OTUD7A: variants seen among roughly 807,000 people sequenced by gnomAD.
OTUD7A encodes OTU domain-containing protein 7A.
In OTUD7A, 12 loss-of-function variants were observed where a neutral mutation model predicts 65.7. The ratio of observed to expected loss-of-function variants is 0.18; its 90% CI spans 0.12 to 0.30. The LOEUF (loss-of-function observed/expected upper bound fraction) is 0.30. Among genes scored for constraint, OTUD7A ranks in the 10% least tolerant of loss-of-function variants. The probability of loss-of-function intolerance (pLI) is 1.00; values close to 1 mark genes in which losing one functional copy is unlikely to be tolerated. For missense variants in OTUD7A, 1,148 were observed against 1,304.8 expected (o/e 0.88, Z 1.85); for synonymous variants, 641 against 586.3 (o/e 1.09, Z -1.35).
At chr15:31,768,281 G>A (rs1184968773) in intron 1 of OTUD7A, 58 of 724,766 alleles carry the variant, frequency 8.0e-5, no homozygotes, top group South Asian at 5.6e-4. Flanking sequence ...GGCGAGTCTC[G>A]GCACAACCAT....
chr15:31,558,834 C>G, intron 5 of OTUD7A, 135 bp downstream of exon 5: 3 of 922,966 alleles, frequency 3.3e-6, no homozygotes, highest in Non-Finnish European at 5.0e-6. Flanking sequence ...AGGTGCGGTG[C>G]AGCATCTAGA....
intron 4 of OTUD7A, among the ~76,000 whole-genome samples, chr15:31,564,366 T>A (rs916958358): frequency 6.6e-6 from 1 of 151,020 alleles, no homozygotes; most frequent in Non-Finnish European, 1.5e-5. Context: ...AAACTGTTTT[T>A]GGAAGTAGTC....
In OTUD7A at chr15:31,570,648, T is replaced by G. The variant is rs552988172; in HGVS notation, c.152-451A>C. ...CAGAGTTTTACTTTTTATTTTAAGC[T>G]TAATATGAGCGAAGCAGAAGCTTGG... On this transcript the variant is annotated intron_variant, in intron 3 of 12. Coordinates refer to ENST00000307050, the MANE Select transcript of OTUD7A (RefSeq NM_001382637.1). Among the ~76,000 whole-genome samples, 80 of 152,326 alleles carry G rather than the reference T, an allele frequency of 5.3e-4. 1 individual carries two copies. The highest frequency in any genetic ancestry group is 1.0e-4 in the Non-Finnish European group (7 of 68,022).
chr15:31,832,627 G>A (rs191040292), intron 1 of OTUD7A, among the ~76,000 whole-genome samples: 11 of 152,082 alleles, frequency 7.2e-5, no homozygotes, highest in African/African-American at 1.4e-4. Flanking sequence ...ATCCCTCGTC[G>A]CCCACAATTG....
At chr15:31,667,112 G>A (rs746867288) in intron 1 of OTUD7A, among the ~76,000 whole-genome samples, 27 of 152,144 alleles carry the variant, frequency 1.8e-4, no homozygotes, top group African/African-American at 4.6e-4. Context: ...CGTGGTTGTC[G>A]GATGAAATGT....
In OTUD7A at chr15:31,655,236, C is replaced by A; in HGVS notation, c.11G>T (p.Ser4Ile). ...AGCCGAGGTGGGGTTTGGAAGCACACTAGAAACCATCCATCTGCAGGAAAG... is the reference window on the plus strand; with the variant it reads ...AGCCGAGGTGGGGTTTGGAAGCACAATAGAAACCATCCATCTGCAGGAAAG... MVSSVLPNPTSAEC... is the reference protein window; with the variant it reads MVSIVLPNPTSAEC... The change falls in exon 3 of 13, where the codon AGT becomes ATT. Residue 4 changes from serine to isoleucine, a missense_variant. By Grantham distance (142) the Ser-to-Ile change is moderately radical. Transcript: ENST00000307050. 1 of 1,393,372 alleles carries A rather than the reference C, an allele frequency of 7.2e-7. No individual in the cohort carries two copies. Among genetic ancestry groups the A allele is most frequent in the Non-Finnish European group, 9.9e-7 (1 of 1,014,174 alleles). The allele number at this position is 1,393,372 out of a possible 1,614,324, so 86.3% of individuals were successfully genotyped here. A position where few individuals can be genotyped will look rare whatever the true frequency, so the allele number is the denominator to read the frequency against.
At chr15:31,511,711 T>TATATGTATATCTATATGTAACACACAC (rs1566893877) in intron 8 of OTUD7A, among the ~76,000 whole-genome samples, 3 of 126,726 alleles carry the variant, frequency 2.4e-5, no homozygotes, top group East Asian at 2.1e-4. Flanking sequence ...GTAACACACA[T>TATATGTATATCTATATGTAACACACAC]ATATATGTAT....
chr15:31,494,703 T>C (rs1161800603), intron 10 of OTUD7A, among the ~76,000 whole-genome samples: 1 of 152,152 alleles, frequency 6.6e-6, no homozygotes. Flanking sequence ...TGTGGGACAA[T>C]GACAACTGGG....
At chr15:31,751,994 T>A (rs1036167197) in intron 1 of OTUD7A, among the ~76,000 whole-genome samples, 2 of 152,132 alleles carry the variant, frequency 1.3e-5, no homozygotes, top group Non-Finnish European at 2.9e-5. Context: ...AACCCCAGCA[T>A]CACACAATAT....
At chr15:31,731,897 A>G (rs972601962) in intron 1 of OTUD7A, among the ~76,000 whole-genome samples, 4 of 152,172 alleles carry the variant, frequency 2.6e-5, no homozygotes, top group Non-Finnish European at 5.9e-5. Context: ...AAAGGGTAAG[A>G]TAGGAAATTA....
intron 1 of OTUD7A, among the ~76,000 whole-genome samples, chr15:31,730,160 A>AT (rs1161042102): frequency 6.6e-6 from 1 of 152,160 alleles, no homozygotes; most frequent in Non-Finnish European, 1.5e-5. Context: ...GGTGGTTGTC[A>AT]GCAACCAGGA....
At chr15:31,866,651 T>G (rs578209415) in intron 1 of OTUD7A, among the ~76,000 whole-genome samples, 1 of 152,200 alleles carries the variant, frequency 6.6e-6, no homozygotes, top group African/African-American at 2.4e-5. Flanking sequence ...GGGTAAAATA[T>G]TTTCACATTA....
intron 1 of OTUD7A, among the ~76,000 whole-genome samples, chr15:31,777,404 G>A (rs542897223): frequency 6.6e-4 from 100 of 152,254 alleles, no homozygotes; most frequent in African/African-American, 8.9e-4. Context: ...AATGGTCAAC[G>A]CTGAACCATA....
rs531571616 is a variant in OTUD7A, at chr15:31,526,643, G to T, written c.781-182C>A. Among the ~76,000 whole-genome samples the T allele has an allele frequency of 6.6e-5, 10 of 152,310 alleles. No homozygotes were observed. In the East Asian group the frequency reaches 9.6e-4, roughly 15 times the overall value. ...TGCTATGCACAATATATTTTCAGAA[G>T]CCCCAAGCTCTAATTCCAGAGCTGC... On this transcript the variant is annotated intron_variant, in intron 7 of 12. Coordinates refer to ENST00000307050, the MANE Select transcript of OTUD7A (RefSeq NM_001382637.1).
intron 1 of OTUD7A, among the ~76,000 whole-genome samples, chr15:31,835,069 G>T (rs1053626235): frequency 1.3e-5 from 2 of 152,168 alleles, no homozygotes; most frequent in African/African-American, 4.8e-5. Context: ...CACAAGGTCT[G>T]CCAGCCTGTT....
chr15:31,552,450 A>C (rs901427950), intron 5 of OTUD7A, among the ~76,000 whole-genome samples: 1 of 152,258 alleles, frequency 6.6e-6, no homozygotes, highest in Middle Eastern at 3.2e-3. Flanking sequence ...GTGAAGAAAG[A>C]AAAATAGGAA....
intron 3 of OTUD7A, among the ~76,000 whole-genome samples, chr15:31,608,587 C>A (rs1461223772): frequency 6.6e-6 from 1 of 152,190 alleles, no homozygotes; most frequent in Non-Finnish European, 1.5e-5. Flanking sequence ...TATGTCCCAA[C>A]AAACCCATCC....
At chr15:31,591,444 T>C (rs1376079371) in intron 3 of OTUD7A, among the ~76,000 whole-genome samples, 1 of 152,110 alleles carries the variant, frequency 6.6e-6, no homozygotes, top group African/African-American at 2.4e-5. Context: ...GCAACGCACA[T>C]TGCCCTCCCC....
At position 31,736,838 on chromosome 15, in the gene OTUD7A, G is replaced by C. The variant is rs183755340; in HGVS notation, c.-99-79761C>G. Among the ~76,000 whole-genome samples, 60 of 151,622 alleles carry C rather than the reference G, an allele frequency of 4.0e-4. No homozygotes were observed. The East Asian group carries it at 5.8e-3, about 15-fold the overall frequency. ...AAGACCTTCTTTTTTTTGGGGGGGC[G>C]GGGGGACGGAGTCTCGCTCTGTTGC... is the stretch of plus-strand genomic sequence containing the variant. On this transcript the variant is annotated intron_variant, in intron 1 of 12. Transcript: ENST00000307050.
Sources: gnomAD v4.1 joint callset for allele counts (sites outside exome capture counted in the v4.1 genomes callset) on GRCh38, gnomAD v4.1.1 for gene constraint, MANE v1.5 for transcripts, NCBI Gene and HGNC (gene_info 2026-07-23, HGNC 2026-07-21) for gene names.